CDRT4: variants seen among roughly 807,000 people sequenced by gnomAD.
The protein encoded by CDRT4 is CMT1A duplicated region transcript 4.
For missense variants in CDRT4, 167 were observed against 193.1 expected (o/e 0.87, Z 0.80); for synonymous variants, 64 against 69.6 (o/e 0.92, Z 0.40).
At chr17:15,444,893 C>A (rs1978948695) in intron 2 of CDRT4, among the ~76,000 whole-genome samples, 1 of 152,172 alleles carries the variant, frequency 6.6e-6, no homozygotes, top group South Asian at 2.1e-4. Flanking sequence ...CCTGCCAATA[C>A]CAAAATTGAC....
intron 1 of CDRT4, among the ~76,000 whole-genome samples, chr17:15,465,365 C>T (rs1167144681): frequency 6.8e-6 from 1 of 147,510 alleles, no homozygotes; most frequent in Non-Finnish European, 1.5e-5. Context: ...ACCAGACACA[C>T]CAACACAGAC....
rs1978482779 is a variant in CDRT4, at chr17:15,436,295, T to G, written c.*1478A>C. On this transcript the variant is annotated 3_prime_UTR_variant, in exon 4 of 4. Transcript: ENST00000619038. ...TGGAGAACATGCCTTGTAGGGCAAATTCAACTTTTCCAAATGACACTGCTA... is the reference window on the plus strand; with the variant it reads ...TGGAGAACATGCCTTGTAGGGCAAAGTCAACTTTTCCAAATGACACTGCTA... 6.6e-6 allele frequency: 1 copy of G among 152,168 alleles called. No individual in the cohort carries two copies. Among genetic ancestry groups the G allele is most frequent in the Admixed American group, 6.5e-5 (1 of 15,278 alleles). The allele number at this position is 152,168 out of a possible 1,614,324, so 9.4% of individuals were successfully genotyped here.
At chr17:15,462,759 G>T (rs992034787) in intron 1 of CDRT4, among the ~76,000 whole-genome samples, 3 of 152,178 alleles carry the variant, frequency 2.0e-5, no homozygotes, top group Non-Finnish European at 2.9e-5. Flanking sequence ...TTAGTGTAAA[G>T]CAAGTGTGTG....
intron 2 of CDRT4, among the ~76,000 whole-genome samples, chr17:15,442,728 C>T (rs1011681746): frequency 1.3e-5 from 2 of 152,130 alleles, no homozygotes; most frequent in African/African-American, 2.4e-5. Flanking sequence ...GGGTTTTTCT[C>T]GTACCTGCTG....
intron 2 of CDRT4, chr17:15,443,911 A>G (rs1978895457): frequency 1.5e-6 from 1 of 648,130 alleles, no homozygotes; most frequent in Non-Finnish European, 3.0e-6. Flanking sequence ...AGGTCTGTGT[A>G]TGCTCACTTC....
chr17:15,449,218 G>A (rs758574060), intron 2 of CDRT4, among the ~76,000 whole-genome samples: 5 of 152,194 alleles, frequency 3.3e-5, no homozygotes, highest in African/African-American at 4.8e-5. Flanking sequence ...TTTCTATGCC[G>A]TGTGGTGTGA....
chr17:15,465,008 ACAC>A (rs1461353690), intron 1 of CDRT4, among the ~76,000 whole-genome samples: 6 of 149,802 alleles, frequency 4.0e-5, no homozygotes, highest in Middle Eastern at 3.4e-3. Flanking sequence ...ATACAGACAC[ACAC>A]AACACAGACA....
intron 3 of CDRT4, among the ~76,000 whole-genome samples, chr17:15,439,397 T>A (rs1329946899): frequency 1.3e-5 from 2 of 152,180 alleles, no homozygotes; most frequent in East Asian, 3.9e-4. Flanking sequence ...CAGTAAAGAA[T>A]GTGCTGTAGA....
In CDRT4 at chr17:15,438,136, A is replaced by G. The variant is rs746261478; in HGVS notation, c.96T>C (p.Tyr32=). The G allele has an allele frequency of 3.2e-5, 52 of 1,614,012 alleles. No homozygotes were observed. In the East Asian group the frequency reaches 1.1e-3, roughly 34 times the overall value. The change falls in exon 4 of 4, where the codon TAT becomes TAC. Residue 32 remains tyrosine, a synonymous_variant. Transcript: ENST00000619038. ...LLEKHDPWPA[Y]VTYTSQTVKR... is the part of the protein sequence containing the mutation. ...TCACTGTCTGAGAGGTATAGGTGACATAGGCCGGCCAGGGGTCATGTTTTT... is the reference window on the plus strand; with the variant it reads ...TCACTGTCTGAGAGGTATAGGTGACGTAGGCCGGCCAGGGGTCATGTTTTT...
At chr17:15,441,111 A>C (rs1032866114) in intron 2 of CDRT4, among the ~76,000 whole-genome samples, 18 of 152,182 alleles carry the variant, frequency 1.2e-4, no homozygotes, top group African/African-American at 3.6e-4. Flanking sequence ...CGATTTTGCC[A>C]TCTCTTTGGC....
chr17:15,455,412 G>A (rs1348903982), intron 1 of CDRT4, among the ~76,000 whole-genome samples: 1 of 152,218 alleles, frequency 6.6e-6, no homozygotes, highest in Non-Finnish European at 1.5e-5. Context: ...GGGCCCATAA[G>A]GCCTATCCTA....
chr17:15,454,347 C>T (rs372540718), intron 1 of CDRT4, among the ~76,000 whole-genome samples: 3 of 152,134 alleles, frequency 2.0e-5, no homozygotes, highest in Admixed American at 1.3e-4. Context: ...ACATGTTAAC[C>T]GAGGGATGTT....
intron 2 of CDRT4, among the ~76,000 whole-genome samples, chr17:15,441,691 A>C (rs1978768875): frequency 6.6e-6 from 1 of 152,162 alleles, no homozygotes; most frequent in Admixed American, 6.5e-5. Context: ...CCAGCATTTT[A>C]TTATAACACA....
In CDRT4 at chr17:15,436,898, C is replaced by T. The variant is rs1365771830; in HGVS notation, c.*875G>A. The T allele has an allele frequency of 6.6e-6, 1 of 152,186 alleles. No homozygotes were observed. The highest frequency in any genetic ancestry group is 2.4e-5 in the African/African-American group (1 of 41,446). 9.4% of individuals were successfully genotyped at this position (152,186 alleles called of 1,614,324 possible). A position where few individuals can be genotyped will look rare whatever the true frequency, so the allele number is the denominator to read the frequency against. ...CATTCTGGCTTTGTGCCCTGATAGG[C>T]TCAGCCCCCAGGGGGAGCTAGAAGG... On this transcript the variant is annotated 3_prime_UTR_variant, in exon 4 of 4. Coordinates refer to ENST00000619038, the MANE Select transcript of CDRT4 (RefSeq NM_001204477.2).
At chr17:15,449,177 C>T (rs16951522) in intron 2 of CDRT4, among the ~76,000 whole-genome samples, 5,509 of 152,302 alleles carry the variant, frequency 0.036, 318 homozygotes, top group African/African-American at 0.13. Flanking sequence ...GCCACTGTGC[C>T]GATTGGTCCC....
At chr17:15,455,096 G>A (rs143562667) in intron 1 of CDRT4, among the ~76,000 whole-genome samples, 21 of 152,262 alleles carry the variant, frequency 1.4e-4, no homozygotes, top group Non-Finnish European at 2.2e-4. Context: ...AAAGTGTCAC[G>A]TTGTTCAGAG....
intron 2 of CDRT4, among the ~76,000 whole-genome samples, chr17:15,442,413 G>GAA (rs780450074): frequency 1.8e-5 from 2 of 110,082 alleles, no homozygotes; most frequent in African/African-American, 3.4e-5. Context: ...CCGTCTCCAA[G>GAA]AAAAAAAAAA....
chr17:15,467,193 A>G (rs1199325326), intron 1 of CDRT4, among the ~76,000 whole-genome samples: 1 of 152,192 alleles, frequency 6.6e-6, no homozygotes, highest in Non-Finnish European at 1.5e-5. Flanking sequence ...CTCTGCAGAC[A>G]AAGTAAATCA....
chr17:15,441,601 T>G (rs1567608817), intron 2 of CDRT4, among the ~76,000 whole-genome samples: 2 of 152,318 alleles, frequency 1.3e-5, no homozygotes, highest in East Asian at 1.9e-4. Context: ...AAGGAACTAT[T>G]GTGGAATGGT....
Sources: gnomAD v4.1 joint callset for allele counts (sites outside exome capture counted in the v4.1 genomes callset) on GRCh38, gnomAD v4.1.1 for gene constraint, MANE v1.5 for transcripts, NCBI Gene and HGNC (gene_info 2026-07-23, HGNC 2026-07-21) for gene names.